PPHLN1: variants seen among roughly 807,000 people sequenced by gnomAD.
PPHLN1 encodes periphilin 1, also known as periphilin-1.
Under a neutral mutation model 51.3 loss-of-function variants are expected in PPHLN1, and 29 were observed. That is an observed-to-expected ratio of 0.57 (90% CI 0.42 to 0.77). PPHLN1 has a LOEUF of 0.77. Ranked by LOEUF, PPHLN1 falls within the 30% of genes least tolerant of loss-of-function variation. The pLI, the probability that PPHLN1 is intolerant of heterozygous loss-of-function variation, is 0.00. For synonymous variants in PPHLN1, 147 were observed against 147.8 expected, an observed-to-expected ratio of 0.99 and a Z score of 0.04; for missense variants, 436 against 438.4, an observed-to-expected ratio of 0.99 and a Z score of 0.05.
Position 42,352,357 on chromosome 12 carries a change from G to A in PPHLN1, c.237+308G>A, listed in dbSNP as rs545365234. Among the ~76,000 whole-genome samples, 4 of 151,432 alleles carry A rather than the reference G, an allele frequency of 2.6e-5. No individual in the cohort carries two copies. The South Asian group carries it at 8.3e-4, about 32-fold the overall frequency. On this transcript the variant is annotated intron_variant, in intron 3 of 9. Coordinates refer to ENST00000358314, the MANE Select transcript of PPHLN1 (RefSeq NM_201439.2). ...CATTTAAAGGTAATCTGTTGTCTTA[G>A]TACTTAATAAGTGATGAGCAGGTGG...
intron 5 of PPHLN1, among the ~76,000 whole-genome samples, chr12:42,382,978 A>T (rs374910520): frequency 4.6e-5 from 7 of 152,218 alleles, no homozygotes; most frequent in Admixed American, 1.3e-4. Context: ...CAAAACAAAA[A>T]AAACAAACAA....
At chr12:42,413,526 A>ATATGTG (rs1489120341) in intron 9 of PPHLN1, among the ~76,000 whole-genome samples, 1 of 136,518 alleles carries the variant, frequency 7.3e-6, no homozygotes, top group East Asian at 2.1e-4. Flanking sequence ...ATATATGTAT[A>ATATGTG]TGTGTGTGTG....
chr12:42,353,110 C>T (rs2073599750), intron 3 of PPHLN1, among the ~76,000 whole-genome samples: 1 of 151,888 alleles, frequency 6.6e-6, no homozygotes, highest in African/African-American at 2.4e-5. Flanking sequence ...AAGTTAGCTG[C>T]TATTATTACT....
intron 9 of PPHLN1, among the ~76,000 whole-genome samples, chr12:42,428,242 A>G (rs1041199845): frequency 6.6e-6 from 1 of 152,256 alleles, no homozygotes; most frequent in Non-Finnish European, 1.5e-5. Context: ...CATTTGATCC[A>G]GCAATCCCAC....
chr12:42,414,233 C>T (rs2139576567), intron 9 of PPHLN1, among the ~76,000 whole-genome samples: 1 of 151,998 alleles, frequency 6.6e-6, no homozygotes, highest in South Asian at 2.1e-4. Context: ...GGGGGTTTCA[C>T]CACGTTGGCC....
Position 42,374,944 on chromosome 12 carries a change from TA to T in PPHLN1, c.382del (p.Thr128LeufsTer71). 1.2e-6 allele frequency: 2 copies of T among 1,613,712 alleles called. No individual in the cohort carries two copies. Among genetic ancestry groups the T allele is most frequent in the Non-Finnish European group, 1.7e-6 (2 of 1,179,884 alleles). On this transcript the variant is annotated frameshift_variant, in exon 5 of 10. Transcript: ENST00000358314. LOFTEE classifies it high-confidence loss of function. ...RERSPYKRDN[T>X]FFRESPVGRK... ...AGCGGTCTCCTTATAAAAGGGACAA[TA>T]CTTTTTTCAGAGAATCACCTGTTGG...
At position 42,355,183 on chromosome 12, in the gene PPHLN1, C is replaced by G; in HGVS notation, c.260C>G (p.Thr87Arg). 1 of 1,613,554 alleles carries G rather than the reference C, an allele frequency of 6.2e-7. No homozygotes were observed. Among genetic ancestry groups the G allele is most frequent in the Non-Finnish European group, 8.5e-7 (1 of 1,179,770 alleles). ...HRGDESGYRW[T>R]RDDHSASRQP... ...CAGGATGAATCTGGTTATAGATGGA[C>G]AAGAGACGATCATTCTGCAAGCAGG... Residue 87 changes from threonine to arginine, a missense_variant, in exon 4 of 10, where the codon ACA (threonine) becomes AGA (arginine). Coordinates refer to ENST00000358314, the MANE Select transcript of PPHLN1 (RefSeq NM_201439.2).
At chr12:42,370,584 G>A (rs1031976103) in intron 4 of PPHLN1, among the ~76,000 whole-genome samples, 1 of 151,838 alleles carries the variant, frequency 6.6e-6, no homozygotes, top group East Asian at 1.9e-4. Context: ...TAACATTTTT[G>A]TGTCTTGCGT....
At chr12:42,358,153 A>G (rs951510704) in intron 4 of PPHLN1, among the ~76,000 whole-genome samples, 2 of 152,050 alleles carry the variant, frequency 1.3e-5, no homozygotes, top group Admixed American at 6.6e-5. Flanking sequence ...GGTTGATTCT[A>G]TATCTTTCCC....
At chr12:42,338,278 G>C (rs1490515583) in intron 2 of PPHLN1, among the ~76,000 whole-genome samples, 1 of 152,180 alleles carries the variant, frequency 6.6e-6, no homozygotes, top group African/African-American at 2.4e-5. Context: ...AGGGTTTTCT[G>C]TGTGGTTATG....
At position 42,441,799 on chromosome 12, in the gene PPHLN1, C is replaced by A; in HGVS notation, c.*290C>A. ...CCTCTCAAAGTGTTGAGATTACAGG[C>A]GTGAGCCACCGCTCCCTGCCCAACA... On this transcript the variant is annotated 3_prime_UTR_variant, in exon 10 of 10. Coordinates refer to ENST00000358314, the MANE Select transcript of PPHLN1 (RefSeq NM_201439.2). The A allele has an allele frequency of 9.1e-7, 1 of 1,102,184 alleles. No homozygotes were observed. The highest frequency in any genetic ancestry group is 1.1e-6 in the Non-Finnish European group (1 of 904,274). 68.3% of individuals were successfully genotyped at this position (1,102,184 alleles called of 1,614,324 possible). A position where few individuals can be genotyped will look rare whatever the true frequency, so the allele number is the denominator to read the frequency against.
At chr12:42,415,470 C>CA (rs2080292141) in intron 9 of PPHLN1, among the ~76,000 whole-genome samples, 1 of 152,214 alleles carries the variant, frequency 6.6e-6, no homozygotes, top group African/African-American at 2.4e-5. Flanking sequence ...CGCCCCTAGC[C>CA]AAAACCTGTC....
chr12:42,442,672 C>T, downstream of PPHLN1: 1 of 1,614,150 alleles, frequency 6.2e-7, no homozygotes, highest in Non-Finnish European at 8.5e-7. Context: ...AGCAGGTACC[C>T]CCTGTGAGGA....
At chr12:42,447,965 TAAC>T (rs1425323699), downstream of PPHLN1, 1 of 152,246 alleles carries the variant, frequency 6.6e-6, no homozygotes, top group East Asian at 1.9e-4. Flanking sequence ...AAATCCCACA[TAAC>T]AACTCTGGTA....
intron 3 of PPHLN1, among the ~76,000 whole-genome samples, chr12:42,352,288 G>T (rs553493935): frequency 6.6e-6 from 1 of 152,046 alleles, no homozygotes; most frequent in South Asian, 2.1e-4. Flanking sequence ...ATTCCAACCA[G>T]CCTGCTTTTT....
intron 9 of PPHLN1, among the ~76,000 whole-genome samples, chr12:42,418,540 C>T (rs2080681817): frequency 6.6e-6 from 1 of 152,018 alleles, no homozygotes; most frequent in Non-Finnish European, 1.5e-5. Flanking sequence ...TTTCATGTTA[C>T]CCTCATGGCT....
intron 9 of PPHLN1, among the ~76,000 whole-genome samples, chr12:42,426,411 T>C (rs1326884514): frequency 6.6e-6 from 1 of 152,184 alleles, no homozygotes; most frequent in Non-Finnish European, 1.5e-5. Context: ...CTTGAGTTTG[T>C]AGCAGCAGTA....
At chr12:42,370,195 C>T (rs1414980956) in intron 4 of PPHLN1, among the ~76,000 whole-genome samples, 2 of 152,186 alleles carry the variant, frequency 1.3e-5, no homozygotes, top group African/African-American at 4.8e-5. Context: ...TATGCAGAAT[C>T]CTGAGTCACA....
chr12:42,351,752 A>T, intron 2 of PPHLN1, 133 bp from the exon 3 acceptor site: 1 of 603,526 alleles, frequency 1.7e-6, no homozygotes, highest in Non-Finnish European at 2.6e-6. Flanking sequence ...TATTTATGTT[A>T]TTTCATTAAC....
Sources: gnomAD v4.1 joint callset for allele counts (sites outside exome capture counted in the v4.1 genomes callset) on GRCh38, gnomAD v4.1.1 for gene constraint, MANE v1.5 for transcripts, NCBI Gene and HGNC (gene_info 2026-07-23, HGNC 2026-07-21) for gene names.